The following OXR1 variants were observed in gnomAD, a reference collection of about 807,000 sequenced individuals.
The protein encoded by OXR1 is oxidation resistance 1, also known as oxidation resistance protein 1.
OXR1 carries 41 observed loss-of-function variants against 104.6 expected under a neutral mutation model. That is an observed-to-expected ratio of 0.39 (90% CI 0.31 to 0.51). The LOEUF is 0.51. OXR1 is among the 20% of genes least tolerant of loss of function. The probability of loss-of-function intolerance (pLI) is 0.77; values close to 1 mark genes in which losing one functional copy is unlikely to be tolerated. For synonymous variants in OXR1, 348 were observed against 348.4 expected, an observed-to-expected ratio of 1.00 and a Z score of 0.01; for missense variants, 955 against 1,031.9, an observed-to-expected ratio of 0.93 and a Z score of 1.02.
At chr8:106,605,216 A>G (rs544609595) in intron 3 of OXR1, 1 of 152,316 alleles carries the variant, frequency 6.6e-6, no homozygotes. Flanking sequence ...TAAAATCTGT[A>G]ATATTTTATA....
intron 3 of OXR1, among the ~76,000 whole-genome samples, chr8:106,562,861 C>T (rs200464685): frequency 1.3e-5 from 2 of 152,034 alleles, no homozygotes; most frequent in African/African-American, 2.4e-5. Flanking sequence ...TTTCATATCC[C>T]GCCAAACTAA....
chr8:106,564,663 T>G (rs1041886498), intron 3 of OXR1, among the ~76,000 whole-genome samples: 17 of 152,132 alleles, frequency 1.1e-4, no homozygotes, highest in Non-Finnish European at 1.6e-4. Context: ...TACCAAAACC[T>G]GGCAGAGAAA....
chr8:106,334,056 A>G (rs540242663), intron 1 of OXR1, among the ~76,000 whole-genome samples: 1 of 152,308 alleles, frequency 6.6e-6, no homozygotes, highest in African/African-American at 2.4e-5. Context: ...TTAATTTGAG[A>G]GGATTACCAT....
intron 3 of OXR1, among the ~76,000 whole-genome samples, chr8:106,636,121 C>G (rs902473040): frequency 6.6e-6 from 1 of 152,180 alleles, no homozygotes; most frequent in Non-Finnish European, 1.5e-5. Context: ...GAATGCTGAG[C>G]TACCTACTTG....
intron 16 of OXR1, among the ~76,000 whole-genome samples, chr8:106,748,611 C>T (rs972026144): frequency 1.2e-4 from 15 of 128,748 alleles, no homozygotes; most frequent in African/African-American, 4.3e-4. Context: ...TCTTGTCGCC[C>T]AGGCTGGAGT....
At chr8:106,623,230 T>C (rs977006612) in intron 3 of OXR1, among the ~76,000 whole-genome samples, 4 of 152,196 alleles carry the variant, frequency 2.6e-5, no homozygotes, top group Non-Finnish European at 4.4e-5. Context: ...TAGTCAGATA[T>C]AGTAAAGCTC....
intron 7 of OXR1, among the ~76,000 whole-genome samples, chr8:106,696,063 G>A (rs2131319780): frequency 6.6e-6 from 1 of 152,254 alleles, no homozygotes; most frequent in East Asian, 1.9e-4. Flanking sequence ...TATCATTACA[G>A]TATTACCAGA....
At chr8:106,531,345 A>G (rs1181237468) in intron 3 of OXR1, among the ~76,000 whole-genome samples, 1 of 152,212 alleles carries the variant, frequency 6.6e-6, no homozygotes, top group Non-Finnish European at 1.5e-5. Flanking sequence ...AGGCATATAG[A>G]GGCAGCTCAA....
intron 2 of OXR1, among the ~76,000 whole-genome samples, chr8:106,370,883 G>A (rs942547329): frequency 6.6e-5 from 10 of 151,992 alleles, no homozygotes; most frequent in African/African-American, 1.9e-4. Flanking sequence ...CTCTTTCTGG[G>A]TTTGGTATCA....
At chr8:106,524,017 C>T (rs1460430015) in intron 3 of OXR1, among the ~76,000 whole-genome samples, 1 of 152,098 alleles carries the variant, frequency 6.6e-6, no homozygotes, top group Non-Finnish European at 1.5e-5. Flanking sequence ...ACCTCGTGAT[C>T]CATCTGCCTC....
chr8:106,325,735 T>A (rs1252888520), intron 1 of OXR1, among the ~76,000 whole-genome samples: 1 of 152,228 alleles, frequency 6.6e-6, no homozygotes, highest in East Asian at 1.9e-4. Context: ...TTTAGGAATA[T>A]ACCCATAAAG....
intron 1 of OXR1, among the ~76,000 whole-genome samples, chr8:106,328,905 G>A (rs1814590233): frequency 6.6e-6 from 1 of 152,046 alleles, no homozygotes; most frequent in Non-Finnish European, 1.5e-5. Context: ...CAGAATTTTC[G>A]ACCTCATCAT....
intron 1 of OXR1, among the ~76,000 whole-genome samples, chr8:106,293,653 C>T (rs1812849062): frequency 1.3e-5 from 2 of 152,140 alleles, no homozygotes; most frequent in African/African-American, 4.8e-5. Flanking sequence ...GCTGGAAAGT[C>T]CAAGATCAAG....
intron 2 of OXR1, among the ~76,000 whole-genome samples, chr8:106,443,432 T>C (rs773940617): frequency 1.3e-5 from 2 of 152,170 alleles, no homozygotes; most frequent in African/African-American, 2.4e-5. Flanking sequence ...GTCTACTTGA[T>C]CCAGAGCTGA....
At chr8:106,749,350 A>T (rs1220687402) in intron 16 of OXR1, among the ~76,000 whole-genome samples, 1 of 152,102 alleles carries the variant, frequency 6.6e-6, no homozygotes, top group East Asian at 1.9e-4. Flanking sequence ...CTCAAAAAAA[A>T]AAAAAAAAAT....
intron 3 of OXR1, among the ~76,000 whole-genome samples, chr8:106,587,845 C>T (rs1218321841): frequency 6.6e-6 from 1 of 152,034 alleles, no homozygotes; most frequent in East Asian, 1.9e-4. Context: ...GAAAATGGTA[C>T]TAGGATGCCT....
In OXR1 at chr8:106,706,485, A is replaced by G. The variant is rs1478548076; in HGVS notation, c.964A>G (p.Ser322Gly). Reference protein sequence around the residue: ...DSRIRDAGNDSASTAPRSTEE... With the variant: ...DSRIRDAGNDGASTAPRSTEE... ...AAGAATCCGAGATGCAGGTAATGAT[A>G]GTGCCAGCACTGCTCCTAGGAGCAC... The change falls in exon 9 of 17, where the codon AGT (serine) becomes GGT (glycine). Residue 322 changes from serine (S) to glycine (G), a missense_variant. Transcript: ENST00000517566. The G allele has an allele frequency of 3.1e-6, 5 of 1,597,332 alleles. 1 individual carries two copies. Among genetic ancestry groups the G allele is most frequent in the Middle Eastern group, 1.7e-4 (1 of 6,034 alleles).
At chr8:106,449,718 T>C (rs1408708610) in intron 2 of OXR1, among the ~76,000 whole-genome samples, 1 of 152,214 alleles carries the variant, frequency 6.6e-6, no homozygotes, top group African/African-American at 2.4e-5. Context: ...CTTCATTAGA[T>C]ATTCAAATTA....
intron 3 of OXR1, among the ~76,000 whole-genome samples, chr8:106,544,243 T>G (rs75101744): frequency 0.017 from 2,512 of 151,784 alleles, 57 homozygotes; most frequent in East Asian, 0.098. Context: ...ATGGTGTTCT[T>G]GTCAAGGCAT....
Sources: gnomAD v4.1 joint callset for allele counts (sites outside exome capture counted in the v4.1 genomes callset) on GRCh38, gnomAD v4.1.1 for gene constraint, MANE v1.5 for transcripts, NCBI Gene and HGNC (gene_info 2026-07-23, HGNC 2026-07-21) for gene names.